MTREX: variants seen among roughly 807,000 people sequenced by gnomAD.
MTREX encodes exosome RNA helicase MTR4.
MTREX carries 76 observed loss-of-function variants against 135.4 expected under a neutral mutation model. That is an observed-to-expected ratio of 0.56 (90% CI 0.47 to 0.68). The LOEUF (loss-of-function observed/expected upper bound fraction) is 0.68. Among genes scored for constraint, MTREX ranks in the 30% least tolerant of loss-of-function variants. The probability of loss-of-function intolerance (pLI) is 0.00; values close to 1 mark genes in which losing one functional copy is unlikely to be tolerated. For missense variants in MTREX, 920 were observed against 1,262.1 expected, an observed-to-expected ratio of 0.73 and a Z score of 4.11; for synonymous variants, 404 against 401.6, an observed-to-expected ratio of 1.01 and a Z score of -0.07.
chr5:55,316,329 A>G lies in MTREX; in HGVS notation c.135-5998A>G, dbSNP rs540944072. On this transcript the variant is annotated intron_variant, in intron 1 of 26. Transcript: ENST00000230640. ...GATATCAAAAATGGGCAGAGACACAACGACAAAAAACTTCAGGCCACTATC... is the reference window on the plus strand; with the variant it reads ...GATATCAAAAATGGGCAGAGACACAGCGACAAAAAACTTCAGGCCACTATC... 2.0e-5 allele frequency among the ~76,000 whole-genome samples: 3 copies of G among 152,262 alleles called. No individual in the cohort carries two copies. In the South Asian group the frequency reaches 6.2e-4, roughly 32 times the overall value.
intron 20 of MTREX, 109 bp downstream of exon 20, chr5:55,397,635 T>C (rs918667647): frequency 7.1e-6 from 4 of 565,926 alleles, no homozygotes; most frequent in Non-Finnish European, 8.9e-6. Flanking sequence ...TCAGAATACC[T>C]ATAAATACTA....
At chr5:55,396,800 G>C (rs1308084012) in intron 19 of MTREX, among the ~76,000 whole-genome samples, 1 of 152,202 alleles carries the variant, frequency 6.6e-6, no homozygotes, top group Non-Finnish European at 1.5e-5. Flanking sequence ...ATGGAAGACA[G>C]ATTTGGACCT....
At chr5:55,410,453 G>T in intron 22 of MTREX, 71 bp from the exon 23 acceptor site, 3 of 748,260 alleles carry the variant, frequency 4.0e-6, no homozygotes, top group Non-Finnish European at 4.5e-6. Context: ...AAAACTACAC[G>T]TTAAGGGCAT....
intron 14 of MTREX, chr5:55,357,184 A>T (rs539439275): frequency 6.5e-6 from 1 of 153,368 alleles, no homozygotes; most frequent in Admixed American, 6.6e-5. Flanking sequence ...CTTGATCTCA[A>T]TTATCTTGGT....
chr5:55,364,824 G>A (rs1750074377), intron 15 of MTREX, among the ~76,000 whole-genome samples: 1 of 152,038 alleles, frequency 6.6e-6, no homozygotes, highest in Admixed American at 6.6e-5. Context: ...CTCCTAAGCT[G>A]GAATTTAAAT....
At chr5:55,378,589 C>A in intron 17 of MTREX, 103 bp downstream of exon 17, 1 of 1,252,852 alleles carries the variant, frequency 8.0e-7, no homozygotes, top group South Asian at 1.5e-5. Context: ...ATGCTTCCTG[C>A]TACAATAGTT....
At chr5:55,418,103 A>G (rs530060903) in intron 25 of MTREX, among the ~76,000 whole-genome samples, 61 of 151,472 alleles carry the variant, frequency 4.0e-4, no homozygotes, top group East Asian at 9.8e-4. Flanking sequence ...GTGTGGTGGC[A>G]GGAGCCTGTA....
At chr5:55,329,247 G>T (rs7723233) in intron 5 of MTREX, 17,409 of 152,464 alleles carry the variant, frequency 0.11, 1,149 homozygotes, top group East Asian at 0.26. Context: ...GCTCACTGCA[G>T]CCTTGACCTC....
At chr5:55,335,878 CGAT>C (rs1173831742) in intron 5 of MTREX, among the ~76,000 whole-genome samples, 1 of 152,022 alleles carries the variant, frequency 6.6e-6, no homozygotes, top group African/African-American at 2.4e-5. Flanking sequence ...TTGACTCAAT[CGAT>C]GAAAATGATG....
chr5:55,308,033 A>C lies in MTREX; in HGVS notation c.20A>C (p.Asp7Ala). ...CCAAAAATGGCGGACGCATTCGGAGATGAGCTGTTCAGCGTGTTCGAGGGC... is the reference window on the plus strand; with the variant it reads ...CCAAAAATGGCGGACGCATTCGGAGCTGAGCTGTTCAGCGTGTTCGAGGGC... MADAFGDELFSVFEGDS... is the reference protein window; with the variant it reads MADAFGAELFSVFEGDS... The change falls in exon 1 of 27, where the codon GAT (aspartate) becomes GCT (alanine). Residue 7 changes from aspartate (D) to alanine (A), a missense_variant. Transcript: ENST00000230640. The C allele has an allele frequency of 6.2e-7, 1 of 1,614,108 alleles. No individual in the cohort carries two copies. The highest frequency in any genetic ancestry group is 8.5e-7 in the Non-Finnish European group (1 of 1,180,034).
intron 1 of MTREX, among the ~76,000 whole-genome samples, chr5:55,312,299 A>G (rs796465805): frequency 9.8e-5 from 15 of 152,334 alleles, no homozygotes; most frequent in African/African-American, 3.6e-4. Context: ...TAAGGAAATG[A>G]GTTGTGCCCT....
At chr5:55,350,876 T>C in intron 12 of MTREX, 43 bp from the exon 13 acceptor site, 2 of 1,433,506 alleles carry the variant, frequency 1.4e-6, no homozygotes, top group Non-Finnish European at 9.5e-7. Flanking sequence ...TAAAAATCCT[T>C]TTCTCACATC....
At chr5:55,414,359 T>A in intron 24 of MTREX, 121 bp downstream of exon 24, 1 of 749,924 alleles carries the variant, frequency 1.3e-6, no homozygotes, top group Non-Finnish European at 2.0e-6. Flanking sequence ...CTATAAGGAT[T>A]AAATGTTACT....
In MTREX at chr5:55,360,204, A is replaced by G. The variant is rs940483937; in HGVS notation, c.1659+1506A>G. ...ATATAAACAGACTCGTATAATGTGTACCCTTTTGTATCTGGCTTTTTTTCA... is the reference window on the plus strand; with the variant it reads ...ATATAAACAGACTCGTATAATGTGTGCCCTTTTGTATCTGGCTTTTTTTCA... On this transcript the variant is annotated intron_variant, in intron 15 of 26. Transcript: ENST00000230640. Among the ~76,000 whole-genome samples the G allele has an allele frequency of 4.6e-5, 7 of 152,078 alleles. 1 individual carries two copies. The highest frequency in any genetic ancestry group is 1.0e-4 in the Non-Finnish European group (7 of 67,988).
chr5:55,360,041 T>G (rs987256095), intron 15 of MTREX, among the ~76,000 whole-genome samples: 1 of 152,176 alleles, frequency 6.6e-6, no homozygotes, highest in Non-Finnish European at 1.5e-5. Flanking sequence ...TTTTAGAATA[T>G]TTTCATCAAT....
At chr5:55,384,387 T>C (rs938968392) in intron 18 of MTREX, among the ~76,000 whole-genome samples, 1 of 152,226 alleles carries the variant, frequency 6.6e-6, no homozygotes, top group Non-Finnish European at 1.5e-5. Flanking sequence ...TTCATCGATA[T>C]GTTCTGTTTG....
At chr5:55,327,676 AGTT>A (rs1479333091) in intron 3 of MTREX, 37 bp from the exon 4 acceptor site, 2 of 1,486,790 alleles carry the variant, frequency 1.3e-6, no homozygotes, top group Non-Finnish European at 1.9e-6. Flanking sequence ...GTTCTCAAAT[AGTT>A]GGTGAGGTTT....
intron 5 of MTREX, among the ~76,000 whole-genome samples, chr5:55,331,278 T>A (rs998173214): frequency 6.6e-6 from 1 of 152,238 alleles, no homozygotes; most frequent in Non-Finnish European, 1.5e-5. Context: ...AATTTTACCT[T>A]GTTCGGTGCT....
intron 1 of MTREX, among the ~76,000 whole-genome samples, chr5:55,319,616 G>C (rs532434952): frequency 6.6e-6 from 1 of 152,188 alleles, no homozygotes; most frequent in South Asian, 2.1e-4. Flanking sequence ...ATTCTCAGAT[G>C]GTTTCAATAA....
Sources: gnomAD v4.1 joint callset for allele counts (sites outside exome capture counted in the v4.1 genomes callset) on GRCh38, gnomAD v4.1.1 for gene constraint, MANE v1.5 for transcripts, NCBI Gene and HGNC (gene_info 2026-07-23, HGNC 2026-07-21) for gene names.